TTC34: variants seen among roughly 807,000 people sequenced by gnomAD.
TTC34 encodes the protein tetratricopeptide repeat domain 34.
A neutral mutation model predicts 40.7 loss-of-function variants in TTC34; 44 were observed. The ratio of observed to expected loss-of-function variants is 1.08; its 90% CI spans 0.85 to 1.39. The LOEUF (loss-of-function observed/expected upper bound fraction) is 1.39. Ranked by LOEUF, TTC34 falls within the 40% of genes most tolerant of loss-of-function variation. The pLI is 0.00. For missense variants in TTC34, 884 were observed against 838.0 expected, an observed-to-expected ratio of 1.05 and a Z score of -0.68; for synonymous variants, 422 against 398.6, an observed-to-expected ratio of 1.06 and a Z score of -0.70.
chr1:2,800,050 G>A, exon 2 of TTC34: 1 of 398,622 alleles, frequency 2.5e-6, no homozygotes, highest in Non-Finnish European at 4.4e-6. Context: ...CTACCTTGGG[G>A]TTCGCTGCCG....
intron 6 of TTC34, among the ~76,000 whole-genome samples, chr1:2,683,432 C>CAG (rs1557606617): frequency 1.0e-4 from 5 of 48,448 alleles, no homozygotes; most frequent in South Asian, 6.2e-4. Context: ...CCACCCTTCA[C>CAG]CCCCAGGTGA....
chr1:2,783,500 C>A, intron 6 of TTC34, 109 bp downstream of exon 6: 2 of 1,155,628 alleles, frequency 1.7e-6, no homozygotes, highest in Non-Finnish European at 2.2e-6. Flanking sequence ...GGGCATCTCA[C>A]TGCTCAGGAT....
At chr1:2,755,058 C>T (rs1641460238) in intron 6 of TTC34, among the ~76,000 whole-genome samples, 1 of 64,400 alleles carries the variant, frequency 1.6e-5, no homozygotes, top group African/African-American at 1.4e-4. Flanking sequence ...CAGCACCCTG[C>T]ACCCCCAGGT....
At chr1:2,648,795 A>G (rs1382780526) in intron 6 of TTC34, among the ~76,000 whole-genome samples, 1 of 149,022 alleles carries the variant, frequency 6.7e-6, no homozygotes, top group African/African-American at 2.5e-5. Context: ...AATGGCACCC[A>G]CACTCACAGG....
At chr1:2,750,197 C>T (rs1641269169) in intron 6 of TTC34, among the ~76,000 whole-genome samples, 2 of 152,002 alleles carry the variant, frequency 1.3e-5, no homozygotes, top group African/African-American at 2.4e-5. Context: ...TGGGTCGGCA[C>T]CCACACCCCC....
chr1:2,683,615 C>A (rs1335558143), intron 6 of TTC34, among the ~76,000 whole-genome samples: 2 of 144,402 alleles, frequency 1.4e-5, no homozygotes, highest in Non-Finnish European at 3.0e-5. Context: ...ATCTGACATC[C>A]TTCAGCAGCA....
Position 2,781,423 on chromosome 1 carries a change from T to A in TTC34, c.2226+2186A>T, listed in dbSNP as rs141999953. ...TGAATTCATTTATTAGTTCTAACAA[T>A]TTTTTTTTGTGTGTGGAATCTTTAG... On this transcript the variant is annotated intron_variant, in intron 6 of 8. Transcript: ENST00000401095. Among the ~76,000 whole-genome samples the A allele has an allele frequency of 9.8e-3, 1,437 of 146,934 alleles. 29 individuals are homozygous for A. The highest frequency in any genetic ancestry group is 0.033 in the African/African-American group (1,366 of 41,080).
At chr1:2,769,745 C>T (rs569997396) in intron 6 of TTC34, among the ~76,000 whole-genome samples, 2 of 148,870 alleles carry the variant, frequency 1.3e-5, no homozygotes, top group African/African-American at 5.0e-5. Flanking sequence ...TGGAGCAGCG[C>T]CCACACCCCC....
intron 4 of TTC34, among the ~76,000 whole-genome samples, chr1:2,786,654 TGAAG>T (rs1643593598): frequency 6.6e-6 from 1 of 152,090 alleles, no homozygotes. Flanking sequence ...TTTTAGGTCA[TGAAG>T]GGTCAACAGG....
At chr1:2,648,279 G>A (rs948563139) in intron 6 of TTC34, among the ~76,000 whole-genome samples, 1 of 152,122 alleles carries the variant, frequency 6.6e-6, no homozygotes, top group Non-Finnish European at 1.5e-5. Flanking sequence ...GTCCTGCAAG[G>A]GGGCTGATTT....
chr1:2,685,141 C>T (rs1640269203), intron 6 of TTC34, among the ~76,000 whole-genome samples: 2 of 144,894 alleles, frequency 1.4e-5, no homozygotes, highest in African/African-American at 5.4e-5. Context: ...ATCGGACGGC[C>T]TGGAACAGCA....
intron 6 of TTC34, chr1:2,775,359 G>T (rs866221172): frequency 6.7e-6 from 1 of 149,140 alleles, no homozygotes; most frequent in Non-Finnish European, 1.5e-5. Flanking sequence ...TCTTCCAGGT[G>T]AGAATATGAC....
Position 2,692,304 on chromosome 1 carries a change from C to T in TTC34, c.2227-46741G>A, listed in dbSNP as rs1178188912. Among the ~76,000 whole-genome samples the T allele has an allele frequency of 1.6e-4, 11 of 70,966 alleles. 3 individuals carry two copies. Among genetic ancestry groups the T allele is most frequent in the Non-Finnish European group, 3.4e-4 (10 of 29,412 alleles). 46.6% of individuals were successfully genotyped at this position (70,966 alleles called of 152,430 possible). On this transcript the variant is annotated intron_variant, in intron 6 of 8. Transcript: ENST00000401095. ...CTGACAGCCTGGAGCAGCAGGCACA[C>T]CCCCAGTGAGCATCTGACAGCCTGG...
Position 2,692,419 on chromosome 1 carries a change from C to A in TTC34, c.2227-46856G>T, listed in dbSNP as rs1640663040. ...GCATCTGGCAGCCTGGAGCAGCACC[C>A]ACACCCCCAGGTGAGCATCTGACTG... is the stretch of plus-strand genomic sequence containing the variant. On this transcript the variant is annotated intron_variant, in intron 6 of 8. Coordinates refer to ENST00000401095, the Ensembl canonical transcript of TTC34. Among the ~76,000 whole-genome samples the A allele has an allele frequency of 1.9e-5, 2 of 103,872 alleles. 1 individual carries two copies. Among genetic ancestry groups the A allele is most frequent in the Non-Finnish European group, 4.6e-5 (2 of 43,884 alleles). The allele number at this position is 103,872 out of a possible 152,430, so 68.1% of individuals were successfully genotyped here.
At chr1:2,680,422 C>G (rs1640024156) in intron 6 of TTC34, among the ~76,000 whole-genome samples, 1 of 47,342 alleles carries the variant, frequency 2.1e-5, no homozygotes, top group East Asian at 4.8e-4. Context: ...CACCCACACC[C>G]CCAGGGGAGC....
chr1:2,751,925 C>A (rs1169006719), intron 6 of TTC34, among the ~76,000 whole-genome samples: 1 of 111,652 alleles, frequency 9.0e-6, no homozygotes, highest in African/African-American at 4.1e-5. Flanking sequence ...GAGCAGCACG[C>A]ATAACCACAG....
chr1:2,685,257 A>G (rs796611016), intron 6 of TTC34, among the ~76,000 whole-genome samples: 2 of 84,344 alleles, frequency 2.4e-5, no homozygotes, highest in Non-Finnish European at 2.3e-5. Context: ...AGCATCTGAG[A>G]GCCTGGAACA....
chr1:2,651,385 GC>G (rs1639129302), intron 6 of TTC34, among the ~76,000 whole-genome samples: 1 of 152,068 alleles, frequency 6.6e-6, no homozygotes, highest in Admixed American at 6.5e-5. Context: ...GACTGGAGCA[GC>G]ATTCTCCAGC....
intron 6 of TTC34, among the ~76,000 whole-genome samples, chr1:2,755,602 AG>A (rs1641477387): frequency 8.2e-6 from 1 of 122,238 alleles, no homozygotes; most frequent in South Asian, 2.8e-4. Flanking sequence ...AGCATCCGAC[AG>A]CCTGGAGCAG....
Sources: allele counts gnomAD v4.1 joint callset (sites outside exome capture counted in the v4.1 genomes callset), GRCh38; gene constraint gnomAD v4.1.1; transcripts MANE v1.5; gene names NCBI Gene and HGNC (gene_info 2026-07-23, HGNC 2026-07-21).